The following RMC1 variants were observed in gnomAD, a reference collection of about 807,000 sequenced individuals.
RMC1 encodes regulator of MON1-CCZ1 complex.
Under a neutral mutation model 95.5 loss-of-function variants are expected in RMC1, and 44 were observed. The observed-to-expected ratio is 0.46, with a 90% CI of 0.36 to 0.59. The LOEUF is 0.59. RMC1 is among the 20% of genes least tolerant of loss of function. The pLI, the probability that RMC1 is intolerant of heterozygous loss-of-function variation, is 0.00. For missense variants in RMC1, 705 were observed against 819.6 expected (o/e 0.86, Z 1.71); for synonymous variants, 320 against 303.6 (o/e 1.05, Z -0.56).
intron 5 of RMC1, among the ~76,000 whole-genome samples, chr18:23,509,875 C>CT (rs1211111177): frequency 6.7e-6 from 1 of 148,650 alleles, no homozygotes; most frequent in Non-Finnish European, 1.5e-5. Flanking sequence ...AATTTTTAAA[C>CT]TTTTTTGTAG....
chr18:23,514,383 C>G (rs1567918706), intron 5 of RMC1, among the ~76,000 whole-genome samples: 1 of 152,158 alleles, frequency 6.6e-6, no homozygotes, highest in Non-Finnish European at 1.5e-5. Context: ...GCCGTCTCTA[C>G]TGTCTCAAAA....
chr18:23,505,184 A>G (rs897098943), intron 2 of RMC1, among the ~76,000 whole-genome samples: 2 of 151,968 alleles, frequency 1.3e-5, no homozygotes, highest in African/African-American at 4.8e-5. Flanking sequence ...CAGCTTCCCA[A>G]GTAGCTGGGA....
At chr18:23,511,817 A>G (rs1317666418) in intron 5 of RMC1, among the ~76,000 whole-genome samples, 1 of 152,158 alleles carries the variant, frequency 6.6e-6, no homozygotes, top group Non-Finnish European at 1.5e-5. Context: ...CTTCAGTAAC[A>G]TGCTTGTACA....
intron 14 of RMC1, chr18:23,528,131 TTTTG>T (rs1172331700): frequency 4.6e-6 from 2 of 434,096 alleles, no homozygotes; most frequent in Non-Finnish European, 8.2e-6. Flanking sequence ...CCTTCACTGT[TTTTG>T]TTTTTCCCAT....
intron 2 of RMC1, chr18:23,506,648 A>G (rs1489309246): frequency 1.6e-5 from 4 of 256,198 alleles, no homozygotes; most frequent in East Asian, 1.4e-4. Context: ...CTTTGCTGTG[A>G]GAGAGAAACA....
chr18:23,516,113 C>G (rs1177065196), intron 6 of RMC1, 117 bp downstream of exon 6: 4 of 1,483,512 alleles, frequency 2.7e-6, no homozygotes, highest in Non-Finnish European at 2.8e-6. Context: ...CGTCACCGCT[C>G]TGACCACTAG....
chr18:23,529,565 GATAGAGAGTT>G (rs2058421851), intron 15 of RMC1, 60 bp from the exon 16 acceptor site: 6 of 1,404,154 alleles, frequency 4.3e-6, no homozygotes, highest in Non-Finnish European at 6.1e-6. Context: ...GTGGGGGTTG[GATAGAGAGTT>G]ATATGCAGCC....
At chr18:23,504,581 C>T (rs1182973722) in intron 2 of RMC1, 134 bp downstream of exon 2, 1 of 721,136 alleles carries the variant, frequency 1.4e-6, no homozygotes, top group Non-Finnish European at 2.4e-6. Flanking sequence ...ACATGGAATT[C>T]CTGTCTGTAG....
intron 10 of RMC1, among the ~76,000 whole-genome samples, 156 bp from the exon 11 acceptor site, chr18:23,523,974 G>A (rs1199738772): frequency 1.3e-5 from 2 of 152,112 alleles, no homozygotes; most frequent in Non-Finnish European, 2.9e-5. Context: ...CCCCGTACGT[G>A]CTTTCAGTGA....
intron 12 of RMC1, among the ~76,000 whole-genome samples, chr18:23,525,765 CCT>C (rs1194505572): frequency 6.6e-6 from 1 of 152,100 alleles, no homozygotes; most frequent in East Asian, 1.9e-4. Context: ...CCATGTTGCC[CCT>C]GTGTCTCTAA....
intron 14 of RMC1, 83 bp downstream of exon 14, chr18:23,527,984 T>C (rs2058357044): frequency 3.4e-6 from 4 of 1,159,942 alleles, no homozygotes; most frequent in Non-Finnish European, 3.6e-6. Flanking sequence ...TGCAAAATTG[T>C]TTCCTATATA....
intron 16 of RMC1, 104 bp from the exon 17 acceptor site, chr18:23,529,922 CAG>C (rs1396638054): frequency 3.4e-5 from 39 of 1,159,448 alleles, no homozygotes; most frequent in Non-Finnish European, 4.7e-5. Context: ...CTTGTAATGA[CAG>C]ACTTTTACTG....
intron 5 of RMC1, among the ~76,000 whole-genome samples, chr18:23,515,360 T>C (rs1169431278): frequency 6.6e-6 from 1 of 152,130 alleles, no homozygotes; most frequent in Non-Finnish European, 1.5e-5. Flanking sequence ...TGCCTCTCAG[T>C]CGTGGCAAAG....
At position 23,524,496 on chromosome 18, in the gene RMC1, G is replaced by T; in HGVS notation, c.1060+14G>T. Reference sequence around the variant, plus strand: ...GCGCAAGCCAAGGTAGGTCAGCGGGGACAGTTGTCGTGTTACAACATGGTG... The same window carrying T: ...GCGCAAGCCAAGGTAGGTCAGCGGGTACAGTTGTCGTGTTACAACATGGTG... On this transcript the variant is annotated intron_variant, in intron 12 of 19. Coordinates refer to ENST00000269221, the MANE Select transcript of RMC1 (RefSeq NM_013326.5). 6.2e-7 allele frequency: 1 copy of T among 1,613,426 alleles called. No individual in the cohort carries two copies. The highest frequency in any genetic ancestry group is 8.5e-7 in the Non-Finnish European group (1 of 1,179,404).
chr18:23,529,455 A>G lies in RMC1; in HGVS notation c.1416+157A>G, dbSNP rs1253135121. ...CCTAGAGCTGGTAGTTTGGCTTCTA[A>G]TGCTGAGGCCTAAAGCATAATTGTT... On this transcript the variant is annotated intron_variant, in intron 15 of 19. Coordinates refer to ENST00000269221, the MANE Select transcript of RMC1 (RefSeq NM_013326.5). 6.2e-6 allele frequency: 8 copies of G among 1,297,622 alleles called. No homozygotes were observed. In the Admixed American group the frequency reaches 2.1e-4, roughly 33 times the overall value. The allele number at this position is 1,297,622 out of a possible 1,614,324, so 80.4% of individuals were successfully genotyped here. A position where few individuals can be genotyped will look rare whatever the true frequency, so the allele number is the denominator to read the frequency against.
At chr18:23,506,056 A>C (rs1443848008) in intron 2 of RMC1, 1 of 151,694 alleles carries the variant, frequency 6.6e-6, no homozygotes, top group Admixed American at 6.6e-5. Context: ...AATCCCAGCT[A>C]CTCGGAACGC....
At chr18:23,515,637 A>AT (rs1290875569) in intron 5 of RMC1, among the ~76,000 whole-genome samples, 11 of 152,074 alleles carry the variant, frequency 7.2e-5, no homozygotes, top group African/African-American at 2.7e-4. Flanking sequence ...CATTCAAGCA[A>AT]TTCTTGTGCC....
intron 10 of RMC1, among the ~76,000 whole-genome samples, chr18:23,521,669 A>G (rs950833521): frequency 4.0e-5 from 6 of 150,582 alleles, no homozygotes; most frequent in Admixed American, 1.3e-4. Context: ...ATAGAACTGA[A>G]AGAATATTCA....
chr18:23,506,304 G>A (rs957141514), intron 2 of RMC1: 1 of 151,756 alleles, frequency 6.6e-6, no homozygotes, highest in Non-Finnish European at 1.5e-5. Flanking sequence ...CACAATCAAG[G>A]CAATGAACAT....
Sources: allele counts gnomAD v4.1 joint callset (sites outside exome capture counted in the v4.1 genomes callset), GRCh38; gene constraint gnomAD v4.1.1; transcripts MANE v1.5; gene names NCBI Gene and HGNC (gene_info 2026-07-23, HGNC 2026-07-21).